TJP1: variants seen among roughly 807,000 people sequenced by gnomAD.
The protein encoded by TJP1 is tight junction protein ZO-1.
Under a neutral mutation model 194.2 loss-of-function variants are expected in TJP1, and 43 were observed. That is an observed-to-expected ratio of 0.22 (90% CI 0.17 to 0.29). The LOEUF (loss-of-function observed/expected upper bound fraction) is 0.29, where lower values mean the gene tolerates loss of function less well. TJP1 is among the 10% of genes least tolerant of loss of function. The pLI is 1.00. For missense variants in TJP1, 1,971 were observed against 2,185.7 expected (o/e 0.90, Z 1.96); for synonymous variants, 801 against 779.0 (o/e 1.03, Z -0.47).
chr15:29,709,324 T>C (rs539790866), intron 24 of TJP1, among the ~76,000 whole-genome samples: 1 of 152,268 alleles, frequency 6.6e-6, no homozygotes, highest in East Asian at 1.9e-4. Context: ...GAATGCCCAA[T>C]AATCATATAA....
chr15:29,791,758 T>C (rs2048109815), intron 2 of TJP1, among the ~76,000 whole-genome samples: 1 of 152,152 alleles, frequency 6.6e-6, no homozygotes, highest in Non-Finnish European at 1.5e-5. Flanking sequence ...AAGAGTTCTC[T>C]TTTTTCTGCC....
chr15:29,845,305 G>C (rs1003000304), intron 2 of TJP1, among the ~76,000 whole-genome samples: 1 of 152,090 alleles, frequency 6.6e-6, no homozygotes, highest in African/African-American at 2.4e-5. Flanking sequence ...CAGATGCTGG[G>C]ATTAATTCAA....
intron 1 of TJP1, among the ~76,000 whole-genome samples, chr15:29,967,273 C>A (rs1392732051): frequency 1.3e-5 from 2 of 151,742 alleles, no homozygotes; most frequent in Admixed American, 1.3e-4. Context: ...AGACCTCAGG[C>A]GATACGCCTG....
chr15:29,848,867 A>G (rs2152078572), intron 2 of TJP1, among the ~76,000 whole-genome samples: 1 of 152,284 alleles, frequency 6.6e-6, no homozygotes, highest in East Asian at 1.9e-4. Flanking sequence ...CAAAATAAAA[A>G]AAAAAAGAAA....
intron 2 of TJP1, among the ~76,000 whole-genome samples, chr15:29,876,625 G>A (rs1355495479): frequency 6.6e-6 from 1 of 152,106 alleles, no homozygotes; most frequent in Admixed American, 6.5e-5. Context: ...TTCCAATGTG[G>A]CCTAGGGAAG....
At chr15:29,711,059 G>T in intron 23 of TJP1, 59 bp from the exon 24 acceptor site, 5 of 1,475,878 alleles carry the variant, frequency 3.4e-6, no homozygotes, top group South Asian at 3.0e-5. Context: ...TACAAAACAA[G>T]TTCTCATTTC....
chr15:29,720,191 A>G, intron 19 of TJP1, 167 bp downstream of exon 19: 1 of 1,112,226 alleles, frequency 9.0e-7, no homozygotes, highest in Non-Finnish European at 1.2e-6. Context: ...CTGTGTTAAG[A>G]CAAACACACA....
intron 1 of TJP1, among the ~76,000 whole-genome samples, chr15:29,814,860 A>C (rs2049798337): frequency 6.6e-6 from 1 of 152,296 alleles, no homozygotes; most frequent in South Asian, 2.1e-4. Flanking sequence ...ATAAAACCTT[A>C]TCTCTTGATC....
chr15:29,875,725 C>A (rs1354767968), intron 2 of TJP1, among the ~76,000 whole-genome samples: 1 of 152,102 alleles, frequency 6.6e-6, no homozygotes, highest in East Asian at 1.9e-4. Flanking sequence ...CGCCACCATG[C>A]CCAGCTAATT....
At chr15:29,727,823 T>C (rs1170257384) in intron 16 of TJP1, 114 bp downstream of exon 16, 4 of 757,040 alleles carry the variant, frequency 5.3e-6, no homozygotes, top group Admixed American at 2.6e-5. Context: ...AATTTTCTTA[T>C]AGTATGTCAG....
intron 2 of TJP1, among the ~76,000 whole-genome samples, chr15:29,875,636 G>A (rs1433899711): frequency 1.3e-5 from 2 of 152,040 alleles, no homozygotes; most frequent in African/African-American, 4.8e-5. Flanking sequence ...GCATGATCTC[G>A]ACTCACTGCA....
chr15:29,937,385 A>G (rs1427016479), intron 2 of TJP1, among the ~76,000 whole-genome samples: 1 of 152,226 alleles, frequency 6.6e-6, no homozygotes. Flanking sequence ...ACTGAAAATT[A>G]TATTTTAAAA....
At chr15:29,756,183 C>A (rs576978999) in intron 8 of TJP1, among the ~76,000 whole-genome samples, 2 of 152,206 alleles carry the variant, frequency 1.3e-5, no homozygotes, top group Admixed American at 6.5e-5. Context: ...CAAAGTGTCA[C>A]CATCAACTGT....
chr15:29,752,769 A>G (rs544821640), intron 8 of TJP1, among the ~76,000 whole-genome samples: 1 of 152,334 alleles, frequency 6.6e-6, no homozygotes, highest in Non-Finnish European at 1.5e-5. Flanking sequence ...CAAGTAATAA[A>G]CAACATTAAA....
Position 29,779,422 on chromosome 15 carries a change from T to C in TJP1, c.85-6065A>G, listed in dbSNP as rs2047215685. Among the ~76,000 whole-genome samples, 3 of 152,206 alleles carry C rather than the reference T, an allele frequency of 2.0e-5. No homozygotes were observed. The South Asian group carries it at 6.2e-4, about 31-fold the overall frequency. On this transcript the variant is annotated intron_variant, in intron 2 of 27. Coordinates refer to ENST00000614355, the MANE Select transcript of TJP1 (RefSeq NM_001330239.4). Reference sequence around the variant, plus strand: ...TGGTACTCTATTCCAAAAACATCCTTAAAATCCCATCTTTGGAGAGGTGGG... The same window carrying C: ...TGGTACTCTATTCCAAAAACATCCTCAAAATCCCATCTTTGGAGAGGTGGG...
At position 29,762,490 on chromosome 15, in the gene TJP1, T is replaced by C. The variant is rs752097852; in HGVS notation, c.590-52A>G. 9 of 1,364,910 alleles carry C rather than the reference T, an allele frequency of 6.6e-6. No homozygotes were observed. In the East Asian group the frequency reaches 1.2e-4, roughly 18 times the overall value. The allele number at this position is 1,364,910 out of a possible 1,614,324, so 84.5% of individuals were successfully genotyped here. On this transcript the variant is annotated intron_variant, in intron 5 of 27. Coordinates refer to ENST00000614355, the MANE Select transcript of TJP1 (RefSeq NM_001330239.4). The stretch of plus-strand genomic sequence containing the variant: ...AGTATAACATCCTAAGACACCTAAA[T>C]AGATTTTACAAGTATACAACTAAAC...
intron 2 of TJP1, among the ~76,000 whole-genome samples, chr15:29,868,144 A>G (rs1347124572): frequency 2.6e-5 from 4 of 151,856 alleles, no homozygotes; most frequent in Non-Finnish European, 5.9e-5. Context: ...TGATCGTTTG[A>G]GCCTATAAGT....
rs1181008806 is a variant in TJP1 at position 29,945,378 on chromosome 15, G to A, written c.306+10854C>T. On this transcript the variant is annotated intron_variant, in intron 2 of 28. Transcript: ENST00000356107. Reference sequence around the variant, plus strand: ...ACTAATTTCCAAAGAGAAAGACATAGCCAAGTCAGTTGGTGAGATTTCAAC... The same window carrying A: ...ACTAATTTCCAAAGAGAAAGACATAACCAAGTCAGTTGGTGAGATTTCAAC... 2.0e-5 allele frequency among the ~76,000 whole-genome samples: 3 copies of A among 152,340 alleles called. No individual in the cohort carries two copies. The East Asian group carries it at 5.8e-4, about 29-fold the overall frequency.
chr15:29,818,375 C>A (rs1596017473), intron 1 of TJP1, among the ~76,000 whole-genome samples: 1 of 152,362 alleles, frequency 6.6e-6, no homozygotes, highest in African/African-American at 2.4e-5. Context: ...TTAAACAATT[C>A]TTTGGTGACG....
Sources: gnomAD v4.1 joint callset for allele counts (sites outside exome capture counted in the v4.1 genomes callset) on GRCh38, gnomAD v4.1.1 for gene constraint, MANE v1.5 for transcripts, NCBI Gene and HGNC (gene_info 2026-07-23, HGNC 2026-07-21) for gene names.